The following MRC1 variants were observed in gnomAD, a reference collection of about 807,000 sequenced individuals.
The protein encoded by MRC1 is macrophage mannose receptor 1.
Under a neutral mutation model 102.9 loss-of-function variants are expected in MRC1, and 62 were observed. That is an observed-to-expected ratio of 0.60 (90% CI 0.49 to 0.74). The LOEUF (loss-of-function observed/expected upper bound fraction) is 0.74. MRC1 is among the 30% of genes least tolerant of loss of function. The pLI is 0.00. For synonymous variants in MRC1, 457 were observed against 298.4 expected, an observed-to-expected ratio of 1.53 and a Z score of -5.48; for missense variants, 1,237 against 862.8, an observed-to-expected ratio of 1.43 and a Z score of -5.43.
At chr10:17,843,145 T>C (rs1838775338) in intron 5 of MRC1, among the ~76,000 whole-genome samples, 1 of 152,202 alleles carries the variant, frequency 6.6e-6, no homozygotes, top group South Asian at 2.1e-4. Context: ...GTCTCAAAGT[T>C]GAGAGAGGTA....
chr10:17,818,820 G>A (rs915635843), intron 1 of MRC1, among the ~76,000 whole-genome samples: 1 of 152,152 alleles, frequency 6.6e-6, no homozygotes, highest in African/African-American at 2.4e-5. Context: ...GAAAAGGAAA[G>A]TTGACACTTG....
At chr10:17,854,666 A>C (rs1372137317) in intron 8 of MRC1, 1 of 192,758 alleles carries the variant, frequency 5.2e-6, no homozygotes, top group African/African-American at 2.4e-5. Context: ...AGTTAAAGAC[A>C]GACAATACAG....
intron 21 of MRC1, among the ~76,000 whole-genome samples, chr10:17,883,159 G>A (rs946128172): frequency 7.9e-5 from 12 of 152,220 alleles, no homozygotes; most frequent in East Asian, 1.9e-4. Flanking sequence ...ATAGGGTCTC[G>A]CTTGATCACC....
intron 22 of MRC1, among the ~76,000 whole-genome samples, chr10:17,890,886 G>A (rs1330167934): frequency 2.6e-5 from 4 of 151,984 alleles, no homozygotes; most frequent in African/African-American, 4.8e-5. Context: ...GCCGTTCCTC[G>A]TCACTCGCAT....
At chr10:17,854,223 G>T (rs1031427312) in intron 8 of MRC1, among the ~76,000 whole-genome samples, 1 of 152,032 alleles carries the variant, frequency 6.6e-6, no homozygotes, top group Non-Finnish European at 1.5e-5. Flanking sequence ...AAGTGTTGAG[G>T]TTACAGGCGT....
intron 11 of MRC1, among the ~76,000 whole-genome samples, chr10:17,864,242 A>G (rs1408650057): frequency 6.6e-6 from 1 of 152,072 alleles, no homozygotes; most frequent in South Asian, 2.1e-4. Flanking sequence ...GCCTCAAGTG[A>G]TCTGCCTGCC....
intron 3 of MRC1, among the ~76,000 whole-genome samples, chr10:17,828,141 A>G (rs1554838796): frequency 6.6e-6 from 1 of 152,042 alleles, no homozygotes; most frequent in Non-Finnish European, 1.5e-5. Context: ...TGGTGGTGCG[A>G]TCTCCACTCA....
intron 8 of MRC1, 122 bp from the exon 9 acceptor site, chr10:17,856,120 A>G (rs1254088599): frequency 5.7e-6 from 4 of 701,334 alleles, no homozygotes; most frequent in African/African-American, 1.8e-5. Flanking sequence ...CCATGAGCCA[A>G]GATCGCGCCA....
chr10:17,861,386 G>C lies in MRC1; in HGVS notation c.1519-1G>C. ...TATTCACTGCTTGATAACATTAATA[G>C]GGCTGGAAAAAACATCACTTTTACT... On this transcript the variant is annotated splice_acceptor_variant, in intron 9 of 29. Coordinates refer to ENST00000569591, the MANE Select transcript of MRC1 (RefSeq NM_002438.4). LOFTEE classifies it high-confidence loss of function. 1 of 871,722 alleles carries C rather than the reference G, an allele frequency of 1.1e-6. No individual in the cohort carries two copies. The highest frequency in any genetic ancestry group is 1.3e-5 in the South Asian group (1 of 76,484). The allele number at this position is 871,722 out of a possible 1,614,324, so 54.0% of individuals were successfully genotyped here.
At chr10:17,870,708 T>C in intron 13 of MRC1, 140 bp from the exon 14 acceptor site, 2 of 763,858 alleles carry the variant, frequency 2.6e-6, no homozygotes, top group East Asian at 2.4e-5. Flanking sequence ...ATAAGTCTTC[T>C]ATTTAGCTGT....
intron 10 of MRC1, among the ~76,000 whole-genome samples, chr10:17,863,241 TCTGACATTTTGAGA>T (rs1168335947): frequency 1.3e-5 from 2 of 152,208 alleles, no homozygotes; most frequent in Non-Finnish European, 2.9e-5. Context: ...CTCAAAATTC[TCTGACATTTTGAGA>T]ATAGGCAGAG....
chr10:17,847,850 C>T (rs1838848767), intron 6 of MRC1, among the ~76,000 whole-genome samples: 1 of 151,860 alleles, frequency 6.6e-6, no homozygotes, highest in African/African-American at 2.4e-5. Context: ...TTTTCAATTT[C>T]CTAGGTAGCA....
chr10:17,837,106 G>A (rs937863968), intron 4 of MRC1, among the ~76,000 whole-genome samples: 22 of 152,054 alleles, frequency 1.4e-4, no homozygotes, highest in Non-Finnish European at 2.9e-4. Flanking sequence ...TATCGGACTC[G>A]AGCTGCAGGA....
intron 2 of MRC1, among the ~76,000 whole-genome samples, 194 bp downstream of exon 2, chr10:17,823,669 T>C (rs1838432118): frequency 6.6e-6 from 1 of 152,260 alleles, no homozygotes; most frequent in Non-Finnish European, 1.5e-5. Context: ...TAAAAAGTCC[T>C]GAATGATACT....
intron 21 of MRC1, among the ~76,000 whole-genome samples, chr10:17,882,462 G>A (rs1833533756): frequency 6.6e-6 from 1 of 151,900 alleles, no homozygotes; most frequent in Non-Finnish European, 1.5e-5. Flanking sequence ...ACTTTATAAG[G>A]ACATGGTAGG....
At chr10:17,833,347 T>C (rs1176046902) in intron 3 of MRC1, among the ~76,000 whole-genome samples, 2 of 151,870 alleles carry the variant, frequency 1.3e-5, no homozygotes, top group Non-Finnish European at 1.5e-5. Context: ...ATAGAGAGAC[T>C]ACATTTCTGC....
intron 13 of MRC1, 148 bp from the exon 14 acceptor site, chr10:17,870,700 A>G: frequency 6.6e-6 from 5 of 754,452 alleles, no homozygotes; most frequent in South Asian, 4.4e-5. Context: ...TCTATTGCAT[A>G]AGTCTTCTAT....
chr10:17,854,909 T>A (rs2130650492), intron 8 of MRC1: 2 of 153,498 alleles, frequency 1.3e-5, no homozygotes, highest in East Asian at 3.9e-4. Context: ...CCGGCTAGTC[T>A]TGAACTCCTG....
chr10:17,859,743 G>C (rs1833152328), intron 9 of MRC1, among the ~76,000 whole-genome samples: 2 of 152,142 alleles, frequency 1.3e-5, no homozygotes, highest in Admixed American at 6.5e-5. Flanking sequence ...TCTACTTCTT[G>C]GAGTGCTTTA....
Sources: gnomAD v4.1 joint callset for allele counts (sites outside exome capture counted in the v4.1 genomes callset) on GRCh38, gnomAD v4.1.1 for gene constraint, MANE v1.5 for transcripts, NCBI Gene and HGNC (gene_info 2026-07-23, HGNC 2026-07-21) for gene names.